PPP1R12B: variants seen among roughly 807,000 people sequenced by gnomAD.
PPP1R12B encodes protein phosphatase 1 regulatory subunit 12B.
Under a neutral mutation model 126.1 loss-of-function variants are expected in PPP1R12B, and 76 were observed. The ratio of observed to expected loss-of-function variants is 0.60; its 90% CI spans 0.50 to 0.73. PPP1R12B has a LOEUF of 0.73. Ranked by LOEUF, PPP1R12B falls within the 30% of genes least tolerant of loss-of-function variation. PPP1R12B has a pLI of 0.00. For missense variants in PPP1R12B, 1,052 were observed against 1,205.1 expected, an observed-to-expected ratio of 0.87 and a Z score of 1.88; for synonymous variants, 356 against 434.7, an observed-to-expected ratio of 0.82 and a Z score of 2.25.
At chr1:202,379,155 C>A (rs1301164746) in intron 1 of PPP1R12B, among the ~76,000 whole-genome samples, 3 of 152,172 alleles carry the variant, frequency 2.0e-5, no homozygotes, top group Non-Finnish European at 4.4e-5. Flanking sequence ...AGATGTCTTA[C>A]AGGTTTCTCT....
chr1:202,470,589 G>A (rs1220822256), intron 13 of PPP1R12B, among the ~76,000 whole-genome samples: 1 of 152,036 alleles, frequency 6.6e-6, no homozygotes, highest in Admixed American at 6.6e-5. Context: ...GCTATATATG[G>A]TTTTTTCTTT....
intron 18 of PPP1R12B, among the ~76,000 whole-genome samples, chr1:202,521,327 A>G (rs1307149069): frequency 3.3e-5 from 5 of 152,186 alleles, no homozygotes; most frequent in African/African-American, 4.8e-5. Flanking sequence ...AAAACATTAC[A>G]AAGAACCCAG....
chr1:202,438,447 G>C, intron 10 of PPP1R12B: 1 of 438,540 alleles, frequency 2.3e-6, no homozygotes. Flanking sequence ...CTCCTGCCAG[G>C]GTCCCACCGC....
At chr1:202,499,064 G>A (rs1205720510) in intron 18 of PPP1R12B, among the ~76,000 whole-genome samples, 1 of 151,718 alleles carries the variant, frequency 6.6e-6, no homozygotes, top group Non-Finnish European at 1.5e-5. Flanking sequence ...CTGTTTGCTG[G>A]GTTTTGACAC....
intron 13 of PPP1R12B, among the ~76,000 whole-genome samples, chr1:202,451,866 G>A (rs541806011): frequency 5.7e-4 from 86 of 151,850 alleles, no homozygotes; most frequent in South Asian, 1.0e-3. Flanking sequence ...CCTCCCTTCC[G>A]GACGGGGTGG....
chr1:202,420,447 T>A (rs1668600963), intron 2 of PPP1R12B, among the ~76,000 whole-genome samples: 3 of 152,184 alleles, frequency 2.0e-5, no homozygotes, highest in Admixed American at 1.3e-4. Flanking sequence ...TCCACCTAGT[T>A]GGAAGAAACA....
chr1:202,398,709 C>T (rs767871957), intron 1 of PPP1R12B, among the ~76,000 whole-genome samples: 2 of 152,178 alleles, frequency 1.3e-5, no homozygotes, highest in Non-Finnish European at 2.9e-5. Flanking sequence ...AGGGGCACAA[C>T]ACTCTTGGCA....
chr1:202,424,484 C>T (rs962014732), intron 3 of PPP1R12B, among the ~76,000 whole-genome samples: 1 of 151,936 alleles, frequency 6.6e-6, no homozygotes, highest in African/African-American at 2.4e-5. Context: ...CCACTATGCC[C>T]AGCTCATTTT....
intron 1 of PPP1R12B, among the ~76,000 whole-genome samples, chr1:202,412,864 C>T (rs1051374042): frequency 3.9e-5 from 6 of 152,036 alleles, no homozygotes; most frequent in African/African-American, 1.4e-4. Flanking sequence ...TAGTGAGATA[C>T]TCTGTGATAA....
chr1:202,464,740 G>A (rs1261699532), intron 13 of PPP1R12B, among the ~76,000 whole-genome samples: 1 of 152,172 alleles, frequency 6.6e-6, no homozygotes, highest in Non-Finnish European at 1.5e-5. Flanking sequence ...TAAAATAATA[G>A]CATTCTAAGT....
chr1:202,551,372 T>C (rs1686303156), intron 18 of PPP1R12B, among the ~76,000 whole-genome samples: 1 of 152,188 alleles, frequency 6.6e-6, no homozygotes, highest in South Asian at 2.1e-4. Context: ...CTCTTACACA[T>C]ATGTATACCA....
chr1:202,578,324 C>G (rs910323699), intron 23 of PPP1R12B, among the ~76,000 whole-genome samples: 6 of 152,224 alleles, frequency 3.9e-5, no homozygotes, highest in African/African-American at 1.2e-4. Context: ...ATAGCTTCTT[C>G]CTACCTATTA....
intron 8 of PPP1R12B, among the ~76,000 whole-genome samples, chr1:202,434,100 T>C (rs563784392): frequency 6.6e-6 from 1 of 152,352 alleles, no homozygotes; most frequent in East Asian, 1.9e-4. Flanking sequence ...TACATTTGTA[T>C]AGTGCTTTTT....
In PPP1R12B at chr1:202,438,905, G is replaced by A. The variant is rs539643833; in HGVS notation, c.1458+881G>A. The stretch of plus-strand genomic sequence containing the variant: ...GCAGGAGCCCATACATCCACCGCAC[G>A]CGGCCCTGTGCCTGGAGGTGACCCC... On this transcript the variant is annotated intron_variant, in intron 10 of 23. Transcript: ENST00000608999. 155 of 1,498,892 alleles carry A rather than the reference G, an allele frequency of 1.0e-4. No individual in the cohort carries two copies. In the African/African-American group the frequency reaches 1.4e-3, roughly 14 times the overall value. 92.8% of individuals were successfully genotyped at this position (1,498,892 alleles called of 1,614,324 possible).
intron 20 of PPP1R12B, 21 bp from the exon 21 acceptor site, chr1:202,564,421 CT>C: frequency 6.4e-7 from 1 of 1,567,388 alleles, no homozygotes; most frequent in African/African-American, 1.4e-5. Context: ...AACGCTGATC[CT>C]CTTTTTTCCC....
At chr1:202,463,945 G>T (rs1437369398) in intron 13 of PPP1R12B, among the ~76,000 whole-genome samples, 1 of 152,176 alleles carries the variant, frequency 6.6e-6, no homozygotes, top group East Asian at 1.9e-4. Flanking sequence ...CAGGTAGAAA[G>T]ATTAGGCCTA....
intron 19 of PPP1R12B, among the ~76,000 whole-genome samples, chr1:202,560,074 T>TA (rs1687364828): frequency 6.6e-6 from 1 of 152,200 alleles, no homozygotes; most frequent in Non-Finnish European, 1.5e-5. Context: ...AAGTGATCAT[T>TA]AGGACAGTTG....
At chr1:202,445,062 A>G in intron 12 of PPP1R12B, 1 of 1,247,290 alleles carries the variant, frequency 8.0e-7, no homozygotes, top group Non-Finnish European at 1.0e-6. Flanking sequence ...ATTTGGTAGA[A>G]GTAGTGACCC....
intron 19 of PPP1R12B, 39 bp downstream of exon 19, chr1:202,558,932 T>C (rs1687236011): frequency 3.2e-6 from 5 of 1,543,644 alleles, no homozygotes; most frequent in Admixed American, 2.0e-5. Context: ...GCTTAATACT[T>C]GTGAGTGAAT....
Sources: allele counts gnomAD v4.1 joint callset (sites outside exome capture counted in the v4.1 genomes callset), GRCh38; gene constraint gnomAD v4.1.1; transcripts MANE v1.5; gene names NCBI Gene and HGNC (gene_info 2026-07-23, HGNC 2026-07-21).